TLE3: variants seen among roughly 807,000 people sequenced by gnomAD.
TLE3 encodes TLE family member 3, transcriptional corepressor, also known as transducin-like enhancer protein 3.
Under a neutral mutation model 93.0 loss-of-function variants are expected in TLE3, and 14 were observed. That is an observed-to-expected ratio of 0.15 (90% CI 0.10 to 0.24). TLE3 has a LOEUF of 0.24. Among genes scored for constraint, TLE3 ranks in the 10% least tolerant of loss-of-function variants. The pLI, the probability that TLE3 is intolerant of heterozygous loss-of-function variation, is 1.00. For synonymous variants in TLE3, 451 were observed against 425.0 expected (o/e 1.06, Z -0.75); for missense variants, 693 against 1,046.6 (o/e 0.66, Z 4.66).
intron 6 of TLE3, among the ~76,000 whole-genome samples, chr15:70,066,433 TTA>T (rs959732319): frequency 2.0e-5 from 3 of 152,006 alleles, no homozygotes; most frequent in African/African-American, 7.3e-5. Context: ...ATGTAAAGAT[TTA>T]TGTCTTCAAG....
At chr15:70,073,377 T>G (rs910949986) in intron 6 of TLE3, among the ~76,000 whole-genome samples, 1 of 152,164 alleles carries the variant, frequency 6.6e-6, no homozygotes, top group South Asian at 2.1e-4. Flanking sequence ...AGAGTCATCA[T>G]GTATCCTACC....
In TLE3 at chr15:70,053,340, T is replaced by C; in HGVS notation, c.1861A>G (p.Ile621Val). 1.2e-6 allele frequency: 2 copies of C among 1,609,342 alleles called. No individual in the cohort carries two copies. The highest frequency in any genetic ancestry group is 1.7e-6 in the Non-Finnish European group (2 of 1,177,854). Residue 621 changes from isoleucine (I) to valine (V), a missense_variant, in exon 17 of 20, where the codon ATA becomes GTA. Around this residue, in one of 4 missense-constraint regions of TLE3, gnomAD observed 153 missense variants for 379.9 expected, o/e 0.40. Coordinates refer to ENST00000451782, the MANE Select transcript of TLE3 (RefSeq NM_001105192.3). ...TTGGTGCCATCATGGGAGATGTCTA[T>C]GCAGCTGGCCCCATCTGTGTGGCCC... is the stretch of plus-strand genomic sequence containing the variant. ...FQGHTDGASC[I>V]DISHDGTKLW...
At chr15:70,050,269 A>G in intron 19 of TLE3, 65 bp from the exon 20 acceptor site, 1 of 1,294,606 alleles carries the variant, frequency 7.7e-7, no homozygotes, top group Non-Finnish European at 1.1e-6. Context: ...AAAGACAGGA[A>G]TTCATTTTCC....
Position 70,095,896 on chromosome 15 carries a change from C to T in TLE3, c.126-255G>A, listed in dbSNP as rs2058531885. Reference sequence around the variant, plus strand: ...GGGAGTAGGACCCTGACGCTGGCTCCCGACACCCAGAACCCGGAGTGAACC... The same window carrying T: ...GGGAGTAGGACCCTGACGCTGGCTCTCGACACCCAGAACCCGGAGTGAACC... On this transcript the variant is annotated intron_variant, in intron 2 of 19. Transcript: ENST00000451782. The T allele has an allele frequency of 4.8e-6, 3 of 624,486 alleles. No homozygotes were observed. The Admixed American group carries it at 9.3e-5, about 19-fold the overall frequency. The allele number at this position is 624,486 out of a possible 1,614,324, so 38.7% of individuals were successfully genotyped here.
At chr15:70,084,420 G>A (rs1052902159) in intron 4 of TLE3, among the ~76,000 whole-genome samples, 3 of 152,212 alleles carry the variant, frequency 2.0e-5, no homozygotes, top group African/African-American at 7.2e-5. Flanking sequence ...TGTAAACAGC[G>A]CCCAGGGTGG....
intron 14 of TLE3, chr15:70,055,851 T>C (rs2055970372): frequency 4.0e-6 from 1 of 249,540 alleles, no homozygotes; most frequent in Non-Finnish European, 7.9e-6. Flanking sequence ...ATCTTTTAGT[T>C]TCCTAGCAAC....
intron 13 of TLE3, among the ~76,000 whole-genome samples, chr15:70,056,750 C>T (rs1289661852): frequency 6.6e-6 from 1 of 152,154 alleles, no homozygotes; most frequent in Non-Finnish European, 1.5e-5. Context: ...CCCCGCCAAC[C>T]CTAACTCTTC....
chr15:70,057,558 G>A lies in TLE3; in HGVS notation c.1152C>T (p.Gly384=), dbSNP rs201733710. The A allele has an allele frequency of 1.5e-4, 245 of 1,602,020 alleles. No homozygotes were observed. The African/African-American group carries it at 2.0e-3, about 13-fold the overall frequency. The change falls in exon 13 of 20, where the codon GGC becomes GGT. Residue 384 remains glycine (G), a synonymous_variant. Coordinates refer to ENST00000451782, the MANE Select transcript of TLE3 (RefSeq NM_001105192.3). ...GGATGTTGTGGAGGCCGGCGTAGGC[G>A]CCAGGACTGGTGAGGGAGCCGTTCA... ...HEMNGSLTSP[G]AYAGLHNIPP...
At position 70,096,665 on chromosome 15, in the gene TLE3, A is replaced by G. The variant is rs771722893; in HGVS notation, c.24+110T>C. 8.4e-6 allele frequency: 13 copies of G among 1,556,632 alleles called. No homozygotes were observed. In the East Asian group the frequency reaches 2.4e-4, roughly 29 times the overall value. On this transcript the variant is annotated intron_variant, in intron 1 of 19. Coordinates refer to ENST00000451782, the MANE Select transcript of TLE3 (RefSeq NM_001105192.3). ...CCCCTTTGTGTGAGAGCACACACAC[A>G]AACACACACACCATAAAGGTAGCAA... is the stretch of plus-strand genomic sequence containing the variant.
At chr15:70,095,235 A>G (rs2058495005) in intron 3 of TLE3, among the ~76,000 whole-genome samples, 1 of 152,238 alleles carries the variant, frequency 6.6e-6, no homozygotes, top group Non-Finnish European at 1.5e-5. Flanking sequence ...CTAATTTCAC[A>G]TGGGCTGGTC....
rs1253160949 is a variant in TLE3 at position 70,058,172 on chromosome 15, G to A, written c.1038C>T (p.Gly346=). 6.2e-7 allele frequency: 1 copy of A among 1,614,008 alleles called. No individual in the cohort carries two copies. The highest frequency in any genetic ancestry group is 1.7e-5 in the Admixed American group (1 of 60,028). Residue 346 remains glycine, a synonymous_variant, in exon 12 of 20, where the codon GGC becomes GGT. Transcript: ENST00000451782. This position sits in a 1 kb window ranked among gnomAD's most constrained non-coding sequence, Gnocchi z 4.1. ...TACCCATTATACCTATCGGGTCCAT[G>A]CCCGGAGGTTTACCCGGCATCGACC... The part of the protein sequence containing the change: ...GLRSMPGKPP[G]MDPIASALRT...
intron 8 of TLE3, 106 bp from the exon 9 acceptor site, chr15:70,060,755 G>A: frequency 6.4e-7 from 1 of 1,552,818 alleles, no homozygotes; most frequent in Non-Finnish European, 8.7e-7. Flanking sequence ...GGGGAGGGAA[G>A]AGAAGCTGAA....
chr15:70,051,629 C>A lies in TLE3; in HGVS notation c.2126-162G>T, dbSNP rs549734061. ...ATTTTGCAAATGGGACATGCGGACA[C>A]CTGGAGAAGGCCTTTCTCTGAAATC... On this transcript the variant is annotated intron_variant, in intron 18 of 19. Coordinates refer to ENST00000451782, the MANE Select transcript of TLE3 (RefSeq NM_001105192.3). 237 of 288,738 alleles carry A rather than the reference C, an allele frequency of 8.2e-4. 1 individual carries two copies. The highest frequency in any genetic ancestry group is 4.9e-3 in the African/African-American group (219 of 44,442). The allele number at this position is 288,738 out of a possible 1,614,324, so 17.9% of individuals were successfully genotyped here. A position where few individuals can be genotyped will look rare whatever the true frequency, so the allele number is the denominator to read the frequency against.
rs2055834600 is a variant in TLE3 at position 70,054,423 on chromosome 15, C to A, written c.1826+15G>T. 6.2e-7 allele frequency: 1 copy of A among 1,606,884 alleles called. No individual in the cohort carries two copies. The highest frequency in any genetic ancestry group is 1.1e-5 in the South Asian group (1 of 90,598). On this transcript the variant is annotated intron_variant, in intron 16 of 19. Coordinates refer to ENST00000451782, the MANE Select transcript of TLE3 (RefSeq NM_001105192.3). ...CCCCAGGACGAGGCACTAATGCTCC[C>A]TCCTGCCGGCTCACCTGACCAGGGT...
intron 9 of TLE3, 94 bp downstream of exon 9, chr15:70,060,436 C>T: frequency 1.3e-6 from 2 of 1,539,442 alleles, no homozygotes; most frequent in Non-Finnish European, 1.8e-6. Flanking sequence ...TCACTGCCAA[C>T]CACAAGAAGA....
At position 70,073,741 on chromosome 15, in the gene TLE3, A is replaced by T. The variant is rs2057300925; in HGVS notation, c.372+792T>A. On this transcript the variant is annotated intron_variant, in intron 6 of 19. Transcript: ENST00000451782. ...TAAGAGCCTTGCCCAAAGTCACACT[A>T]AAAAGACTCTTCTTCCTCAGGTGCT... Among the ~76,000 whole-genome samples the T allele has an allele frequency of 2.0e-5, 3 of 152,278 alleles. No homozygotes were observed. The South Asian group carries it at 6.2e-4, about 32-fold the overall frequency.
At position 70,060,564 on chromosome 15, in the gene TLE3, C is replaced by T. The variant is rs748984418; in HGVS notation, c.680G>A (p.Arg227Gln). Residue 227 changes from arginine to glutamine, a missense_variant, in exon 9 of 20, where the codon CGG (arginine) becomes CAG (glutamine). Transcript: ENST00000451782. The part of the protein sequence containing the change: ...SADYSMEAKK[R>Q]KAEEKDSLSR... ...CAAGCTGTCCTTCTCCTCCGCCTTC[C>T]GCTTCTTGGCTTCCATGCTGTAGTC... The T allele has an allele frequency of 3.1e-6, 5 of 1,613,854 alleles. No homozygotes were observed. The highest frequency in any genetic ancestry group is 1.1e-5 in the South Asian group (1 of 91,094).
intron 16 of TLE3, chr15:70,053,604 TGG>T: frequency 5.4e-6 from 2 of 372,962 alleles, no homozygotes; most frequent in Admixed American, 4.4e-5. Flanking sequence ...CCCTGGGAAA[TGG>T]GGGGGGGAGG....
At chr15:70,075,739 C>T (rs926861725) in intron 5 of TLE3, among the ~76,000 whole-genome samples, 2 of 152,238 alleles carry the variant, frequency 1.3e-5, no homozygotes, top group Non-Finnish European at 2.9e-5. Context: ...CCAGCAAGGG[C>T]ACTCTGTACC....
Sources: allele counts gnomAD v4.1 joint callset (sites outside exome capture counted in the v4.1 genomes callset), GRCh38; gene constraint gnomAD v4.1.1; regional missense constraint gnomAD v4.1.1; non-coding constraint Gnocchi (gnomAD v3.1); transcripts MANE v1.5; gene names NCBI Gene and HGNC (gene_info 2026-07-23, HGNC 2026-07-21).